ABTB3: variants seen among roughly 807,000 people sequenced by gnomAD.
The protein encoded by ABTB3 is ankyrin repeat- and BTB/POZ domain-containing protein 3.
the ABTB3 span, among the ~76,000 whole-genome samples, chr12:107,390,447 G>A: frequency 1.3e-5 from 2 of 152,320 alleles, no homozygotes; most frequent in Non-Finnish European, 2.9e-5. Context: ...TCTCTTCGGG[G>A]AAGGTGGTAC....
the ABTB3 span, chr12:107,543,921 C>T: frequency 2.5e-6 from 4 of 1,603,090 alleles, 1 homozygote; most frequent in South Asian, 2.2e-5. Flanking sequence ...CTGAAATCTT[C>T]CTTCTGTCCA....
the ABTB3 span, among the ~76,000 whole-genome samples, chr12:107,656,136 CAAAA>C: frequency 2.2e-3 from 280 of 129,630 alleles, 1 homozygote; most frequent in African/African-American, 6.5e-3. Flanking sequence ...AAAAAAAATA[CAAAA>C]AAAAAAAAAA....
chr12:107,474,107 G>T, the ABTB3 span, among the ~76,000 whole-genome samples: 2 of 152,224 alleles, frequency 1.3e-5, no homozygotes, highest in Non-Finnish European at 2.9e-5. Context: ...CTTTGGGGCT[G>T]CCATGTATTG....
chr12:107,492,489 A>G, the ABTB3 span, among the ~76,000 whole-genome samples: 1 of 152,142 alleles, frequency 6.6e-6, no homozygotes, highest in African/African-American at 2.4e-5. Context: ...CTCCAAAGCT[A>G]GCACCTTTCC....
chr12:107,423,449 T>G, the ABTB3 span, among the ~76,000 whole-genome samples: 2 of 152,218 alleles, frequency 1.3e-5, no homozygotes, highest in East Asian at 3.9e-4. Flanking sequence ...TGAAGAGCAC[T>G]GAGAGAGCGG....
chr12:107,542,247 G>C, the ABTB3 span, among the ~76,000 whole-genome samples: 3 of 148,306 alleles, frequency 2.0e-5, no homozygotes, highest in Admixed American at 7.1e-5. Flanking sequence ...GGGAGGCAGG[G>C]GTTGCAGTGA....
chr12:107,556,623 A>G, the ABTB3 span, among the ~76,000 whole-genome samples: 4 of 152,206 alleles, frequency 2.6e-5, no homozygotes. Flanking sequence ...TCTAAGGCCA[A>G]AAACATTCTT....
the ABTB3 span, among the ~76,000 whole-genome samples, chr12:107,328,513 G>C: frequency 6.6e-6 from 1 of 152,206 alleles, no homozygotes; most frequent in African/African-American, 2.4e-5. Context: ...TGTATTACGT[G>C]TCTGTCTTTT....
At chr12:107,580,667 C>A in the ABTB3 span, 1 of 544,956 alleles carries the variant, frequency 1.8e-6, no homozygotes, top group Non-Finnish European at 3.0e-6. Flanking sequence ...TCCAGAAAGA[C>A]GACAGGGACG....
the ABTB3 span, among the ~76,000 whole-genome samples, chr12:107,404,887 T>C: frequency 0.018 from 2,679 of 152,286 alleles, 40 homozygotes; most frequent in Non-Finnish European, 0.028. Context: ...TCTTGGCTTG[T>C]GGAAACCTCA....
At chr12:107,533,466 C>T in the ABTB3 span, among the ~76,000 whole-genome samples, 1 of 152,024 alleles carries the variant, frequency 6.6e-6, no homozygotes, top group African/African-American at 2.4e-5. Context: ...AAGCATACAA[C>T]AGTAGCTATA....
At chr12:107,362,112 A>G in the ABTB3 span, among the ~76,000 whole-genome samples, 1 of 152,182 alleles carries the variant, frequency 6.6e-6, no homozygotes, top group African/African-American at 2.4e-5. Context: ...AGTCTATGAT[A>G]TTTTGCTACA....
At chr12:107,370,026 C>T in the ABTB3 span, among the ~76,000 whole-genome samples, 136 of 152,244 alleles carry the variant, frequency 8.9e-4, 1 homozygote, top group African/African-American at 3.1e-3. Context: ...TGATATGTAT[C>T]GCCTAGGAAT....
chr12:107,402,160 T>A, the ABTB3 span, among the ~76,000 whole-genome samples: 4 of 152,218 alleles, frequency 2.6e-5, no homozygotes, highest in African/African-American at 9.6e-5. Flanking sequence ...GGACTCTTAG[T>A]AGTAGTACCA....
the ABTB3 span, among the ~76,000 whole-genome samples, chr12:107,453,166 T>G: frequency 6.6e-6 from 1 of 152,036 alleles, no homozygotes; most frequent in Non-Finnish European, 1.5e-5. Flanking sequence ...GGCTGGATAA[T>G]CAGGAGTTGG....
chr12:107,436,283 C>T, the ABTB3 span, among the ~76,000 whole-genome samples: 2 of 152,200 alleles, frequency 1.3e-5, no homozygotes, highest in South Asian at 2.1e-4. Context: ...CCCGCCATCC[C>T]GGTCGCATGC....
the ABTB3 span, among the ~76,000 whole-genome samples, chr12:107,525,471 G>A: frequency 6.6e-6 from 1 of 152,126 alleles, no homozygotes; most frequent in East Asian, 1.9e-4. Flanking sequence ...ATTGCCCACA[G>A]TATCAGGACA....
chr12:107,560,287 G>T, the ABTB3 span, among the ~76,000 whole-genome samples: 1 of 152,176 alleles, frequency 6.6e-6, no homozygotes. Context: ...AGAGGAAATG[G>T]TTATGAAGAG....
chr12:107,398,765 A>G, the ABTB3 span, among the ~76,000 whole-genome samples: 1 of 152,204 alleles, frequency 6.6e-6, no homozygotes, highest in Non-Finnish European at 1.5e-5. Flanking sequence ...CACACTACAC[A>G]AGACTTATTT....
Sources: allele counts gnomAD v4.1 joint callset (sites outside exome capture counted in the v4.1 genomes callset), GRCh38; gene constraint gnomAD v4.1.1; transcripts MANE v1.5; gene names NCBI Gene and HGNC (gene_info 2026-07-23, HGNC 2026-07-21).